SBF2: variants seen among roughly 807,000 people sequenced by gnomAD.
The protein encoded by SBF2 is SET binding factor 2, also known as myotubularin-related protein 13.
Under a neutral mutation model 225.2 loss-of-function variants are expected in SBF2, and 112 were observed. That is an observed-to-expected ratio of 0.50 (90% confidence interval 0.43 to 0.58). SBF2 has a LOEUF of 0.58. SBF2 is among the 20% of genes least tolerant of loss of function. The probability of loss-of-function intolerance (pLI) is 0.00; values close to 1 mark genes in which losing one functional copy is unlikely to be tolerated. For missense variants in SBF2, 1,996 were observed against 2,206.2 expected, an observed-to-expected ratio of 0.90 and a Z score of 1.91; for synonymous variants, 763 against 773.3, an observed-to-expected ratio of 0.99 and a Z score of 0.22.
In SBF2 at chr11:9,785,118, A is replaced by G. The variant is rs1165373892; in HGVS notation, c.5231+7T>C. ...TTCAGCACAGCGAGCAGGGTTCAGC[A>G]TGTCACCTGTTTTCATCATTCTTGG... On this transcript the variant is annotated splice_region_variant and intron_variant, in intron 37 of 39. Transcript: ENST00000256190. 1 of 1,612,186 alleles carries G rather than the reference A, an allele frequency of 6.2e-7. No homozygotes were observed.
At chr11:9,969,822 T>C (rs1034316184) in intron 13 of SBF2, among the ~76,000 whole-genome samples, 1 of 152,220 alleles carries the variant, frequency 6.6e-6, no homozygotes, top group African/African-American at 2.4e-5. Context: ...TAAAGCTCCA[T>C]GAGAGTAGAC....
At chr11:10,037,267 G>T (rs2134660319) in intron 3 of SBF2, among the ~76,000 whole-genome samples, 1 of 152,170 alleles carries the variant, frequency 6.6e-6, no homozygotes, top group Non-Finnish European at 1.5e-5. Context: ...TCAAACTATA[G>T]AATAAACTCA....
intron 28 of SBF2, among the ~76,000 whole-genome samples, chr11:9,821,214 G>C (rs757997947): frequency 2.0e-5 from 3 of 152,122 alleles, no homozygotes; most frequent in Admixed American, 6.5e-5. Flanking sequence ...TCCATGCTGA[G>C]AGCCTGAAAT....
chr11:10,241,659 T>C (rs1333837882), intron 1 of SBF2, among the ~76,000 whole-genome samples: 5 of 152,004 alleles, frequency 3.3e-5, no homozygotes, highest in Non-Finnish European at 1.5e-5. Flanking sequence ...TGGTAATAAA[T>C]ATGAAAATCT....
intron 1 of SBF2, among the ~76,000 whole-genome samples, chr11:10,201,531 T>G (rs1181629577): frequency 6.6e-6 from 1 of 152,266 alleles, no homozygotes; most frequent in East Asian, 1.9e-4. Context: ...GAAGTCTGTT[T>G]GTTTCAACTG....
At chr11:10,063,257 A>G (rs7106491) in intron 2 of SBF2, among the ~76,000 whole-genome samples, 69,787 of 151,282 alleles carry the variant, frequency 0.46, 16,514 homozygotes, top group Admixed American at 0.56. Flanking sequence ...TAATATGTAC[A>G]ACAAACCCCC....
At chr11:9,798,481 C>T (rs1218396683) in intron 32 of SBF2, among the ~76,000 whole-genome samples, 2 of 152,144 alleles carry the variant, frequency 1.3e-5, no homozygotes, top group Non-Finnish European at 2.9e-5. Context: ...GATGAGAAAT[C>T]TGCAGTGTGC....
At chr11:10,201,557 G>C (rs1413466268) in intron 1 of SBF2, among the ~76,000 whole-genome samples, 3 of 152,174 alleles carry the variant, frequency 2.0e-5, no homozygotes, top group Middle Eastern at 6.8e-3. Flanking sequence ...AGCCTTTTTT[G>C]TGGTTATTTA....
chr11:9,906,783 C>G lies in SBF2; in HGVS notation c.1861-10772G>C, dbSNP rs137976392. ...ACATACCAGACATTTTATAAACTTG[C>G]AAGGTCTTGAATACTGATACATGTT... is the stretch of plus-strand genomic sequence containing the variant. On this transcript the variant is annotated intron_variant, in intron 16 of 39. Transcript: ENST00000256190. Among the ~76,000 whole-genome samples the G allele has an allele frequency of 5.3e-5, 8 of 152,260 alleles. No homozygotes were observed. The East Asian group carries it at 1.4e-3, about 26-fold the overall frequency.
chr11:10,289,815 C>T lies in SBF2; in HGVS notation c.55+4200G>A, dbSNP rs544691903. Among the ~76,000 whole-genome samples, 91 of 152,292 alleles carry T rather than the reference C, an allele frequency of 6.0e-4. 1 individual carries two copies. Among genetic ancestry groups the T allele is most frequent in the African/African-American group, 1.9e-3 (81 of 41,566 alleles). On this transcript the variant is annotated intron_variant, in intron 1 of 39. Transcript: ENST00000256190. ...TATCACACCTCCAGCTCCGCCTCCT[C>T]CTCACACCCTCCCCGCAGCATTGGT...
At chr11:9,841,296 T>C (rs899960429) in intron 25 of SBF2, among the ~76,000 whole-genome samples, 1 of 152,162 alleles carries the variant, frequency 6.6e-6, no homozygotes, top group Admixed American at 6.5e-5. Context: ...TATCATAGAA[T>C]AATAGGTTTT....
chr11:9,788,761 ATT>A (rs148717661), intron 35 of SBF2, among the ~76,000 whole-genome samples: 12 of 134,790 alleles, frequency 8.9e-5, no homozygotes, highest in Non-Finnish European at 6.3e-5. Flanking sequence ...CGCCCGGCTA[ATT>A]TTTTTTTTTT....
chr11:10,127,582 A>G (rs1953816535), intron 2 of SBF2, among the ~76,000 whole-genome samples: 1 of 152,042 alleles, frequency 6.6e-6, no homozygotes, highest in Non-Finnish European at 1.5e-5. Flanking sequence ...ATGGTTCTCT[A>G]TCTCTATTTT....
At chr11:10,131,744 A>G (rs1318265927) in intron 2 of SBF2, among the ~76,000 whole-genome samples, 1 of 152,102 alleles carries the variant, frequency 6.6e-6, no homozygotes, top group Non-Finnish European at 1.5e-5. Context: ...CCCGGCCAAG[A>G]GAGTTCTTTA....
intron 1 of SBF2, among the ~76,000 whole-genome samples, chr11:10,292,034 T>A (rs924179544): frequency 3.3e-5 from 5 of 152,046 alleles, no homozygotes; most frequent in Admixed American, 3.3e-4. Flanking sequence ...GTTAAGGTCA[T>A]GAAAGTCAGG....
At chr11:9,829,208 G>A (rs956253379) in intron 28 of SBF2, 148 bp downstream of exon 28, 9 of 845,112 alleles carry the variant, frequency 1.1e-5, no homozygotes, top group Non-Finnish European at 1.8e-5. Flanking sequence ...AGTAAAAGGA[G>A]TTAAACTTAT....
At chr11:9,972,847 C>T (rs958517316) in intron 13 of SBF2, among the ~76,000 whole-genome samples, 4 of 152,144 alleles carry the variant, frequency 2.6e-5, no homozygotes, top group African/African-American at 9.7e-5. Context: ...AATCCATACA[C>T]AATTTAGAAT....
intron 1 of SBF2, among the ~76,000 whole-genome samples, chr11:10,247,343 A>G (rs940244136): frequency 6.6e-6 from 1 of 152,150 alleles, no homozygotes; most frequent in East Asian, 1.9e-4. Flanking sequence ...TAGGCTTAAC[A>G]TTTGAAAATC....
chr11:10,134,081 C>T (rs1161594000), intron 2 of SBF2, among the ~76,000 whole-genome samples: 1 of 152,160 alleles, frequency 6.6e-6, no homozygotes, highest in Non-Finnish European at 1.5e-5. Context: ...ACTCACAGTT[C>T]CATGTGGCTG....
Sources: gnomAD v4.1 joint callset for allele counts (sites outside exome capture counted in the v4.1 genomes callset) on GRCh38, gnomAD v4.1.1 for gene constraint, MANE v1.5 for transcripts, NCBI Gene and HGNC (gene_info 2026-07-23, HGNC 2026-07-21) for gene names.